Variants in NRXN1 observed in about 807,000 individuals in gnomAD.
The protein encoded by NRXN1 is neurexin 1.
In NRXN1, 39 loss-of-function variants were observed where a neutral mutation model predicts 150.9. The observed-to-expected ratio is 0.26, with a 90% CI of 0.20 to 0.34. The LOEUF is 0.34. Among genes scored for constraint, NRXN1 ranks in the 10% least tolerant of loss-of-function variants. The probability of loss-of-function intolerance (pLI) is 1.00; values close to 1 mark genes in which losing one functional copy is unlikely to be tolerated. For synonymous variants in NRXN1, 924 were observed against 757.0 expected (o/e 1.22, Z -3.62); for missense variants, 1,815 against 1,949.9 (o/e 0.93, Z 1.30).
rs1011895392 is a variant in NRXN1 at position 50,177,193 on chromosome 2, C to T, written c.3546+59596G>A. ...TAGCGGGGATTGGGTTTCTTGTGCACCCATCACCCAAATGTTGAACATTAT... is the reference window on the plus strand; with the variant it reads ...TAGCGGGGATTGGGTTTCTTGTGCATCCATCACCCAAATGTTGAACATTAT... On this transcript the variant is annotated intron_variant, in intron 18 of 22. Coordinates refer to ENST00000401669, the MANE Select transcript of NRXN1 (RefSeq NM_001330078.2). 2.6e-5 allele frequency among the ~76,000 whole-genome samples: 4 copies of T among 152,156 alleles called. No individual in the cohort carries two copies. In the East Asian group the frequency reaches 7.7e-4, roughly 29 times the overall value.
intron 2 of NRXN1, among the ~76,000 whole-genome samples, chr2:50,961,049 CT>C (rs1015266755): frequency 1.3e-5 from 2 of 151,828 alleles, no homozygotes; most frequent in African/African-American, 2.4e-5. Flanking sequence ...GAACACGTGA[CT>C]TTTTTGCCTA....
intron 22 of NRXN1, among the ~76,000 whole-genome samples, chr2:49,935,656 A>G (rs912858577): frequency 2.6e-5 from 4 of 152,198 alleles, no homozygotes; most frequent in African/African-American, 9.7e-5. Flanking sequence ...TTGGCTCCTC[A>G]TGGAGGCAGC....
Position 50,266,055 on chromosome 2 carries a change from G to C in NRXN1, c.3365-29085C>G, listed in dbSNP as rs928258161. On this transcript the variant is annotated intron_variant, in intron 17 of 22. Transcript: ENST00000401669. ...ACTCTGTTGCCCAGGCTGGAGTGCA[G>C]TGGCACGATCTTGGCTCACTGCAAC... Among the ~76,000 whole-genome samples, 56 of 147,108 alleles carry C rather than the reference G, an allele frequency of 3.8e-4. 1 individual carries two copies. Among genetic ancestry groups the C allele is most frequent in the African/African-American group, 1.3e-3 (52 of 40,092 alleles).
intron 18 of NRXN1, among the ~76,000 whole-genome samples, chr2:50,170,883 C>T (rs1388642767): frequency 6.6e-6 from 1 of 151,438 alleles, no homozygotes; most frequent in Non-Finnish European, 1.5e-5. Flanking sequence ...CTTTTGGCAC[C>T]CCCAAATTTT....
At chr2:50,784,086 T>C (rs1281822336) in intron 5 of NRXN1, among the ~76,000 whole-genome samples, 1 of 152,152 alleles carries the variant, frequency 6.6e-6, no homozygotes, top group Non-Finnish European at 1.5e-5. Flanking sequence ...TAGTTAAAAG[T>C]ATATCTGAGT....
intron 2 of NRXN1, among the ~76,000 whole-genome samples, chr2:50,986,727 G>A (rs940795686): frequency 2.4e-5 from 2 of 85,082 alleles, no homozygotes; most frequent in Non-Finnish European, 4.4e-5. Flanking sequence ...AAATATAATT[G>A]CCAAATATTC....
chr2:50,108,065 C>A (rs1312484148), intron 18 of NRXN1, among the ~76,000 whole-genome samples: 1 of 151,744 alleles, frequency 6.6e-6, no homozygotes, highest in Non-Finnish European at 1.5e-5. Context: ...TTAACCACTA[C>A]TGTTTTATGT....
At chr2:50,263,368 T>A (rs1377624138) in intron 17 of NRXN1, among the ~76,000 whole-genome samples, 2 of 152,058 alleles carry the variant, frequency 1.3e-5, no homozygotes, top group African/African-American at 4.8e-5. Context: ...CTGTGTGTAC[T>A]CTCAACAAAT....
chr2:50,152,437 CACAG>C (rs1281998680), intron 18 of NRXN1, among the ~76,000 whole-genome samples: 1 of 151,650 alleles, frequency 6.6e-6, no homozygotes, highest in Non-Finnish European at 1.5e-5. Flanking sequence ...CCTCCTTAAC[CACAG>C]GGAATATGTT....
intron 17 of NRXN1, among the ~76,000 whole-genome samples, chr2:50,353,379 A>G (rs1361392602): frequency 6.6e-6 from 1 of 152,058 alleles, no homozygotes; most frequent in South Asian, 2.1e-4. Context: ...GTTTCAACCG[A>G]TTTCTGTTGG....
At chr2:50,427,405 A>G (rs1414934513) in intron 17 of NRXN1, among the ~76,000 whole-genome samples, 2 of 150,626 alleles carry the variant, frequency 1.3e-5, no homozygotes, top group African/African-American at 2.4e-5. Flanking sequence ...CAACTCATCC[A>G]TATCTCTCGC....
intron 5 of NRXN1, among the ~76,000 whole-genome samples, chr2:50,733,736 C>G (rs979295652): frequency 6.6e-6 from 1 of 151,942 alleles, no homozygotes; most frequent in Admixed American, 6.6e-5. Context: ...TAATAATGGT[C>G]GACCATTGAA....
intron 5 of NRXN1, among the ~76,000 whole-genome samples, chr2:50,770,983 G>A (rs536854697): frequency 4.6e-5 from 7 of 152,162 alleles, no homozygotes; most frequent in African/African-American, 1.7e-4. Flanking sequence ...AATTACGTTT[G>A]AACCCTCAGT....
intron 19 of NRXN1, among the ~76,000 whole-genome samples, chr2:50,070,631 G>T (rs528484911): frequency 6.6e-6 from 1 of 151,364 alleles, no homozygotes; most frequent in African/African-American, 2.4e-5. Context: ...TTATCCGGGC[G>T]TAGTGGCGGG....
At chr2:50,024,620 C>CTT (rs1040229960) in intron 21 of NRXN1, among the ~76,000 whole-genome samples, 2 of 146,286 alleles carry the variant, frequency 1.4e-5, no homozygotes, top group African/African-American at 5.0e-5. Context: ...CAGAGTAATT[C>CTT]TTTTTTTTTT....
intron 5 of NRXN1, among the ~76,000 whole-genome samples, chr2:50,801,412 A>G (rs976833452): frequency 1.3e-5 from 2 of 152,192 alleles, no homozygotes; most frequent in African/African-American, 4.8e-5. Context: ...GGAACAGGGT[A>G]AAAGTTTCAG....
At chr2:50,114,400 T>C (rs544004103) in intron 18 of NRXN1, among the ~76,000 whole-genome samples, 1 of 152,130 alleles carries the variant, frequency 6.6e-6, no homozygotes, top group Non-Finnish European at 1.5e-5. Context: ...ACTCATTCAT[T>C]GTCAGTGGAA....
chr2:49,976,965 C>A (rs1274870318), intron 21 of NRXN1, among the ~76,000 whole-genome samples: 5 of 152,130 alleles, frequency 3.3e-5, no homozygotes, highest in Non-Finnish European at 5.9e-5. Context: ...GGGTATTGTT[C>A]ACTGCTGCTT....
At chr2:50,039,617 C>T (rs13003753) in intron 21 of NRXN1, among the ~76,000 whole-genome samples, 173 of 152,256 alleles carry the variant, frequency 1.1e-3, no homozygotes, top group Non-Finnish European at 2.0e-3. Flanking sequence ...TTATTCTCAA[C>T]CTGACAAGCA....
Sources: gnomAD v4.1 joint callset for allele counts (sites outside exome capture counted in the v4.1 genomes callset) on GRCh38, gnomAD v4.1.1 for gene constraint, MANE v1.5 for transcripts, NCBI Gene and HGNC (gene_info 2026-07-23, HGNC 2026-07-21) for gene names.